GABPB2: variants seen among roughly 807,000 people sequenced by gnomAD.
GABPB2 encodes GA-binding protein subunit beta-2.
Under a neutral mutation model 39.1 loss-of-function variants are expected in GABPB2, and 23 were observed. The observed-to-expected ratio is 0.59, with a 90% CI of 0.42 to 0.83. The LOEUF is 0.83. Ranked by LOEUF, GABPB2 falls within the 40% of genes least tolerant of loss-of-function variation. The pLI, the probability that GABPB2 is intolerant of heterozygous loss-of-function variation, is 0.00. For synonymous variants in GABPB2, 184 were observed against 199.3 expected (o/e 0.92, Z 0.65); for missense variants, 467 against 541.1 (o/e 0.86, Z 1.36).
chr1:151,100,580 CT>C (rs35251516), intron 5 of GABPB2, among the ~76,000 whole-genome samples: 1,623 of 46,566 alleles, frequency 0.035, 7 homozygotes, highest in African/African-American at 0.076. Flanking sequence ...TGTGCCTGGC[CT>C]TTTTTTTTTT....
chr1:151,112,221 C>T (rs1350525180), intron 7 of GABPB2: 1 of 5,690 alleles, frequency 1.8e-4, no homozygotes, highest in South Asian at 0.014. Context: ...GAGACTCCAT[C>T]TCAAAAAAAA....
chr1:151,093,131 G>C (rs587619339), intron 3 of GABPB2, 61 bp from the exon 4 acceptor site: 8 of 1,266,744 alleles, frequency 6.3e-6, no homozygotes. Context: ...TTTGATGATG[G>C]GATGTTGCAC....
rs56124113 is a variant in GABPB2 at position 151,121,977 on chromosome 1, G to A, written c.*3721G>A. 2 of 152,234 alleles carry A rather than the reference G, an allele frequency of 1.3e-5. No individual in the cohort carries two copies. Among genetic ancestry groups the A allele is most frequent in the South Asian group, 2.1e-4 (1 of 4,824 alleles). The allele number at this position is 152,234 out of a possible 1,614,324, so 9.4% of individuals were successfully genotyped here. A position where few individuals can be genotyped will look rare whatever the true frequency, so the allele number is the denominator to read the frequency against. The stretch of plus-strand genomic sequence containing the variant: ...TATGGTTTTCTTAATTAGCAGTCAT[G>A]GGGAAAACATGCATTTTTAATTTGG... On this transcript the variant is annotated 3_prime_UTR_variant, in exon 9 of 9. Transcript: ENST00000368918.
intron 1 of GABPB2, among the ~76,000 whole-genome samples, chr1:151,083,124 G>C (rs1470973735): frequency 1.3e-5 from 2 of 152,090 alleles, no homozygotes; most frequent in East Asian, 1.9e-4. Context: ...TTAAACATTG[G>C]TCATTTGGAA....
chr1:151,090,486 C>T lies in GABPB2; in HGVS notation c.189C>T (p.Ser63=). ...TAEVLLRAGV[S]RDARTKVDRT... ...AAGTACTCCTTCGAGCAGGTGTTAG[C>T]AGGGATGCCCGGACTAAAGTAGACA... Residue 63 remains serine (S), a synonymous_variant, in exon 3 of 9, where the codon AGC becomes AGT. Coordinates refer to ENST00000368918, the MANE Select transcript of GABPB2 (RefSeq NM_144618.3). The T allele has an allele frequency of 6.2e-7, 1 of 1,614,062 alleles. No homozygotes were observed. The highest frequency in any genetic ancestry group is 1.1e-5 in the South Asian group (1 of 91,082).
At chr1:151,083,412 A>C (rs2101459498) in intron 1 of GABPB2, among the ~76,000 whole-genome samples, 1 of 152,240 alleles carries the variant, frequency 6.6e-6, no homozygotes, top group African/African-American at 2.4e-5. Context: ...CAGGCAGATC[A>C]CCTGAGGTCA....
chr1:151,079,152 A>T (rs1677438802), intron 1 of GABPB2, among the ~76,000 whole-genome samples: 1 of 152,198 alleles, frequency 6.6e-6, no homozygotes, highest in Admixed American at 6.6e-5. Flanking sequence ...AGTAAGAAAT[A>T]GGGCTTTAAA....
chr1:151,094,088 G>A (rs1678924024), intron 4 of GABPB2, among the ~76,000 whole-genome samples: 1 of 108,580 alleles, frequency 9.2e-6, no homozygotes, highest in South Asian at 3.1e-4. Context: ...GTCTCACTCT[G>A]TTGCCCAGGC....
chr1:151,117,918 C>G, intron 8 of GABPB2, 39 bp from the exon 9 acceptor site: 4 of 1,574,310 alleles, frequency 2.5e-6, no homozygotes, highest in South Asian at 1.2e-5. Flanking sequence ...AATTTATGAT[C>G]AGGAATTTAC....
At chr1:151,092,678 A>G (rs943218493) in intron 3 of GABPB2, among the ~76,000 whole-genome samples, 2 of 150,500 alleles carry the variant, frequency 1.3e-5, no homozygotes, top group African/African-American at 4.9e-5. Context: ...GGCTCAAGAG[A>G]TTCTCCTACC....
chr1:151,077,665 AAGAG>A (rs1433602073), intron 1 of GABPB2, among the ~76,000 whole-genome samples: 1 of 152,018 alleles, frequency 6.6e-6, no homozygotes, highest in Non-Finnish European at 1.5e-5. Flanking sequence ...TTAAAAAAAA[AAGAG>A]AGGCCAGGCG....
chr1:151,090,890 C>G (rs1558137699), intron 3 of GABPB2, among the ~76,000 whole-genome samples: 2 of 151,694 alleles, frequency 1.3e-5, no homozygotes, highest in East Asian at 4.0e-4. Flanking sequence ...CGCAGCTACT[C>G]AGGAAGCTGA....
intron 5 of GABPB2, among the ~76,000 whole-genome samples, chr1:151,099,135 C>T (rs1679329639): frequency 6.6e-6 from 1 of 151,292 alleles, no homozygotes; most frequent in African/African-American, 2.4e-5. Context: ...TCAACAAAAC[C>T]TTCTATCTAA....
At chr1:151,098,039 A>C (rs772347612) in intron 5 of GABPB2, 37 bp downstream of exon 5, 27 of 1,590,652 alleles carry the variant, frequency 1.7e-5, no homozygotes, top group Non-Finnish European at 5.2e-6. Flanking sequence ...TTTTAGACTC[A>C]AAAAAGAACA....
At chr1:151,098,538 A>C (rs1481222030) in intron 5 of GABPB2, among the ~76,000 whole-genome samples, 1 of 152,022 alleles carries the variant, frequency 6.6e-6, no homozygotes, top group African/African-American at 2.4e-5. Context: ...GTACAGATTA[A>C]TCTATTGAAG....
Position 151,107,185 on chromosome 1 carries a change from C to T in GABPB2, c.885C>T (p.Gly295=), listed in dbSNP as rs75034789. ...CTTCAATCCCTACTGGAGGCATTGG[C>T]CAGCCATTTATTGTAACTGTGCAAG... is the stretch of plus-strand genomic sequence containing the variant. The part of the protein sequence containing the change: ...IQTSIPTGGI[G]QPFIVTVQDG... Residue 295 remains glycine (G), a synonymous_variant, in exon 7 of 9, where the codon GGC becomes GGT. Transcript: ENST00000368918. The T allele has an allele frequency of 3.6e-4, 573 of 1,601,858 alleles. 4 individuals carry two copies. In the East Asian group the frequency reaches 0.013, roughly 36 times the overall value.
At chr1:151,117,012 C>G (rs181661773) in intron 7 of GABPB2, among the ~76,000 whole-genome samples, 8 of 152,150 alleles carry the variant, frequency 5.3e-5, no homozygotes, top group African/African-American at 1.9e-4. Context: ...GGCTTCCAAG[C>G]CTGCAAATCT....
intron 7 of GABPB2, among the ~76,000 whole-genome samples, chr1:151,113,327 G>A (rs587699411): frequency 2.4e-4 from 37 of 152,110 alleles, no homozygotes; most frequent in Non-Finnish European, 4.6e-4. Flanking sequence ...AAATTAGCCA[G>A]GCCTGGTGGC....
At chr1:151,088,063 CCAGA>C (rs752758751) in intron 1 of GABPB2, 123 bp from the exon 2 acceptor site, 1 of 639,176 alleles carries the variant, frequency 1.6e-6, no homozygotes, top group South Asian at 1.9e-5. Context: ...AAGTGACCTA[CCAGA>C]CAGTCAACTT....
Sources: allele counts gnomAD v4.1 joint callset (sites outside exome capture counted in the v4.1 genomes callset), GRCh38; gene constraint gnomAD v4.1.1; transcripts MANE v1.5; gene names NCBI Gene and HGNC (gene_info 2026-07-23, HGNC 2026-07-21).